Variants in FBN2 observed in about 807,000 individuals in gnomAD.
FBN2 encodes the protein fibrillin-2.
Under a neutral mutation model 355.6 loss-of-function variants are expected in FBN2, and 105 were observed. The observed-to-expected ratio is 0.30, with a 90% CI of 0.25 to 0.35. The LOEUF (loss-of-function observed/expected upper bound fraction) is 0.35. Ranked by LOEUF, FBN2 falls within the 10% of genes least tolerant of loss-of-function variation. The pLI is 1.00. For synonymous variants in FBN2, 1,350 were observed against 1,301.2 expected (o/e 1.04, Z -0.81); for missense variants, 3,280 against 3,758.7 (o/e 0.87, Z 3.33).
chr5:128,434,705 G>T (rs1036576636), intron 7 of FBN2, among the ~76,000 whole-genome samples: 1 of 151,302 alleles, frequency 6.6e-6, no homozygotes, highest in Non-Finnish European at 1.5e-5. Context: ...ATTTTATTTT[G>T]GCCTGAATTA....
chr5:128,289,042 C>T, intron 52 of FBN2, 85 bp downstream of exon 52: 2 of 1,403,436 alleles, frequency 1.4e-6, no homozygotes, highest in Non-Finnish European at 2.0e-6. Context: ...ATCCCCCCAT[C>T]ACCCAGGGTA....
chr5:128,292,987 T>C (rs1186703696), intron 48 of FBN2, among the ~76,000 whole-genome samples: 1 of 152,156 alleles, frequency 6.6e-6, no homozygotes, highest in Non-Finnish European at 1.5e-5. Context: ...GTCTCTCCCC[T>C]TAGGTAGTAA....
At chr5:128,460,201 T>G (rs2127077751) in intron 6 of FBN2, among the ~76,000 whole-genome samples, 1 of 152,058 alleles carries the variant, frequency 6.6e-6, no homozygotes. Context: ...ATGAGTGAAC[T>G]CCCATCAATA....
intron 19 of FBN2, 131 bp downstream of exon 19, chr5:128,361,592 G>C (rs1751638742): frequency 8.4e-7 from 1 of 1,184,836 alleles, no homozygotes; most frequent in South Asian, 1.3e-5. Context: ...TGGCAGATTA[G>C]CTAAATGAGA....
rs201113098 is a variant in FBN2, at chr5:128,309,325, T to G, written c.5275A>C (p.Lys1759Gln). 147 of 1,613,936 alleles carry G rather than the reference T, an allele frequency of 9.1e-5. No individual in the cohort carries two copies. Among genetic ancestry groups the G allele is most frequent in the Non-Finnish European group, 1.2e-4 (144 of 1,179,894 alleles). Residue 1759 changes from lysine (K) to glutamine (Q), a missense_variant, in exon 41 of 65, where the codon AAA (lysine) becomes CAA (glutamine). Coordinates refer to ENST00000262464, the MANE Select transcript of FBN2 (RefSeq NM_001999.4). Reference sequence around the variant, plus strand: ...TTATATGTGCAGCAGCACATCCTTTTTGTCACATTGAAAGGCAACTCATTC... The same window carrying G: ...TTATATGTGCAGCAGCACATCCTTTGTGTCACATTGAAAGGCAACTCATTC... The part of the protein sequence containing the change: ...CENELPFNVT[K>Q]RMCCCTYNVG...
intron 19 of FBN2, among the ~76,000 whole-genome samples, chr5:128,358,524 C>A (rs959225380): frequency 6.6e-6 from 1 of 152,006 alleles, no homozygotes; most frequent in South Asian, 2.1e-4. Context: ...AGGCTCGCAG[C>A]GGAATATCCA....
intron 28 of FBN2, 54 bp from the exon 29 acceptor site, chr5:128,335,631 T>C: frequency 1.2e-6 from 2 of 1,606,024 alleles, no homozygotes; most frequent in African/African-American, 1.3e-5. Flanking sequence ...TAAAAGGAGT[T>C]TTCTTCTTTT....
chr5:128,378,913 T>C, intron 11 of FBN2, 23 bp from the exon 12 acceptor site: 1 of 1,612,464 alleles, frequency 6.2e-7, no homozygotes, highest in Non-Finnish European at 8.5e-7. Flanking sequence ...AAAGAAACCA[T>C]TATAGACTTC....
chr5:128,352,881 A>G (rs1298237615), intron 20 of FBN2, among the ~76,000 whole-genome samples: 2 of 152,186 alleles, frequency 1.3e-5, no homozygotes, highest in Non-Finnish European at 2.9e-5. Flanking sequence ...TACAGATAAA[A>G]TTTACTTCTG....
At chr5:128,414,034 A>G (rs1340290169) in intron 7 of FBN2, among the ~76,000 whole-genome samples, 1 of 152,182 alleles carries the variant, frequency 6.6e-6, no homozygotes, top group African/African-American at 2.4e-5. Context: ...ACAAATTGCA[A>G]TGGAAAATTG....
Position 128,311,962 on chromosome 5 carries a change from C to G in FBN2, c.4880-9G>C. 2 of 1,601,486 alleles carry G rather than the reference C, an allele frequency of 1.2e-6. No homozygotes were observed. Among genetic ancestry groups the G allele is most frequent in the Non-Finnish European group, 1.7e-6 (2 of 1,169,028 alleles). ...CAGGGTGTAATATTCAGCTACAAAACAATAGAAAAATAAGAGGTTTGATAC... is the reference window on the plus strand; with the variant it reads ...CAGGGTGTAATATTCAGCTACAAAAGAATAGAAAAATAAGAGGTTTGATAC... On this transcript the variant is annotated splice_polypyrimidine_tract_variant and intron_variant, in intron 37 of 64. Coordinates refer to ENST00000262464, the MANE Select transcript of FBN2 (RefSeq NM_001999.4).
intron 25 of FBN2, among the ~76,000 whole-genome samples, chr5:128,342,918 G>A (rs1751066190): frequency 6.6e-6 from 1 of 151,980 alleles, no homozygotes; most frequent in Non-Finnish European, 1.5e-5. Flanking sequence ...AGTAGAGACG[G>A]GGTTTCTCCA....
Position 128,261,729 on chromosome 5 carries a change from T to A in FBN2, c.8364+7A>T, listed in dbSNP as rs185052980. ...TTTTGTGGCAACACAGAGTGGGATA[T>A]ACTCACAGCAGTGGGATCAGGTTCA... On this transcript the variant is annotated splice_region_variant and intron_variant, in intron 64 of 64. Transcript: ENST00000262464. 1.6e-3 allele frequency: 2,617 copies of A among 1,614,014 alleles called. 3 individuals are homozygous for A. The highest frequency in any genetic ancestry group is 2.0e-3 in the Non-Finnish European group (2,409 of 1,179,838).
At chr5:128,449,412 A>G (rs1443859685) in intron 6 of FBN2, among the ~76,000 whole-genome samples, 1 of 142,644 alleles carries the variant, frequency 7.0e-6, no homozygotes, top group African/African-American at 2.6e-5. Flanking sequence ...ATAATTATAT[A>G]GTATACTATA....
At chr5:128,333,865 ACACACACAC>A (rs1269541826) in intron 31 of FBN2, among the ~76,000 whole-genome samples, 3 of 121,480 alleles carry the variant, frequency 2.5e-5, no homozygotes, top group African/African-American at 8.7e-5. Flanking sequence ...ACACACACAC[ACACACACAC>A]ACTACTGGCT....
At chr5:128,510,205 T>C (rs1756076687) in intron 5 of FBN2, among the ~76,000 whole-genome samples, 1 of 152,128 alleles carries the variant, frequency 6.6e-6, no homozygotes, top group Admixed American at 6.5e-5. Context: ...GGAAGAAGAA[T>C]TGTCTTGGGC....
intron 63 of FBN2, among the ~76,000 whole-genome samples, chr5:128,262,918 C>G (rs923583406): frequency 6.6e-6 from 1 of 152,176 alleles, no homozygotes; most frequent in African/African-American, 2.4e-5. Flanking sequence ...GGGTCAGGCC[C>G]GTGCTGAATG....
intron 31 of FBN2, among the ~76,000 whole-genome samples, chr5:128,333,741 T>A (rs1750755036): frequency 6.6e-6 from 1 of 151,904 alleles, no homozygotes; most frequent in East Asian, 1.9e-4. Context: ...TATATATGTA[T>A]GTATAACCTA....
intron 17 of FBN2, chr5:128,365,328 T>A (rs1056576594): frequency 6.6e-6 from 1 of 152,650 alleles, no homozygotes; most frequent in African/African-American, 2.4e-5. Context: ...TGTGCACTGA[T>A]GTGCTTGTAT....
Sources: allele counts gnomAD v4.1 joint callset (sites outside exome capture counted in the v4.1 genomes callset), GRCh38; gene constraint gnomAD v4.1.1; transcripts MANE v1.5; gene names NCBI Gene and HGNC (gene_info 2026-07-23, HGNC 2026-07-21).